Variants in SMYD3 observed in about 807,000 individuals in gnomAD.
The protein encoded by SMYD3 is SET and MYND domain containing 3.
A neutral mutation model predicts 57.7 loss-of-function variants in SMYD3; 36 were observed. The observed-to-expected ratio is 0.62, with a 90% CI of 0.48 to 0.82. The LOEUF (loss-of-function observed/expected upper bound fraction) is 0.82. Ranked by LOEUF, SMYD3 falls within the 40% of genes least tolerant of loss-of-function variation. The probability of loss-of-function intolerance (pLI) is 0.00; values close to 1 mark genes in which losing one functional copy is unlikely to be tolerated. For synonymous variants in SMYD3, 211 were observed against 195.0 expected, an observed-to-expected ratio of 1.08 and a Z score of -0.68; for missense variants, 515 against 538.8, an observed-to-expected ratio of 0.96 and a Z score of 0.44.
chr1:246,364,028 T>C (rs2066055306), intron 1 of SMYD3, among the ~76,000 whole-genome samples: 1 of 152,140 alleles, frequency 6.6e-6, no homozygotes, highest in Non-Finnish European at 1.5e-5. Flanking sequence ...ACCTGGAAGA[T>C]GGTCAGTTGC....
chr1:246,164,704 G>A (rs1406576980), intron 5 of SMYD3, among the ~76,000 whole-genome samples: 1 of 152,232 alleles, frequency 6.6e-6, no homozygotes, highest in Non-Finnish European at 1.5e-5. Flanking sequence ...CAGGCACACA[G>A]TCCTGAACAA....
chr1:246,134,279 C>G (rs1476259613), intron 5 of SMYD3, among the ~76,000 whole-genome samples: 1 of 152,074 alleles, frequency 6.6e-6, no homozygotes. Context: ...CTCCCAAAGT[C>G]TATTCCAACC....
At chr1:246,192,695 TA>T (rs1393441934) in intron 5 of SMYD3, among the ~76,000 whole-genome samples, 1 of 152,160 alleles carries the variant, frequency 6.6e-6, no homozygotes, top group African/African-American at 2.4e-5. Context: ...GGAAAAGAAA[TA>T]AAATTAGTAA....
intron 10 of SMYD3, among the ~76,000 whole-genome samples, chr1:245,784,422 G>A (rs922601252): frequency 6.6e-6 from 1 of 152,128 alleles, no homozygotes; most frequent in African/African-American, 2.4e-5. Context: ...GAAGGATACA[G>A]CAGGGATATC....
intron 10 of SMYD3, among the ~76,000 whole-genome samples, chr1:245,854,447 T>C (rs756847590): frequency 2.0e-5 from 3 of 152,158 alleles, no homozygotes; most frequent in Non-Finnish European, 4.4e-5. Flanking sequence ...GAGATTGATC[T>C]AAAAATTATG....
rs549213289 is a variant in SMYD3, at chr1:246,324,904, C to A, written c.531+2297G>T. On this transcript the variant is annotated intron_variant, in intron 5 of 11. Transcript: ENST00000490107. ...CATCACACACCGTCAACATTCTGGG[C>A]TCAGTGACTCATCCCTGAAAGCTGC... Among the ~76,000 whole-genome samples, 3 of 149,950 alleles carry A rather than the reference C, an allele frequency of 2.0e-5. No individual in the cohort carries two copies. In the South Asian group the frequency reaches 6.5e-4, roughly 33 times the overall value.
At chr1:245,871,238 G>A (rs1409377650) in intron 8 of SMYD3, among the ~76,000 whole-genome samples, 1 of 152,188 alleles carries the variant, frequency 6.6e-6, no homozygotes, top group Non-Finnish European at 1.5e-5. Context: ...GTAATTTGCA[G>A]TGTCTTTGAC....
At chr1:245,913,019 C>A (rs1448473345) in intron 8 of SMYD3, among the ~76,000 whole-genome samples, 1 of 152,150 alleles carries the variant, frequency 6.6e-6, no homozygotes, top group Non-Finnish European at 1.5e-5. Flanking sequence ...TGGGTATATA[C>A]CCAAAGGATT....
intron 8 of SMYD3, among the ~76,000 whole-genome samples, chr1:245,907,514 T>A (rs2054654620): frequency 6.6e-6 from 1 of 152,090 alleles, no homozygotes; most frequent in Non-Finnish European, 1.5e-5. Context: ...TTTGCCATCA[T>A]GAAAACACAC....
At chr1:246,190,584 CAAAAAAAAAAA>C (rs11302731) in intron 5 of SMYD3, among the ~76,000 whole-genome samples, 20 of 63,008 alleles carry the variant, frequency 3.2e-4, no homozygotes, top group Admixed American at 2.4e-3. Flanking sequence ...GACTCTGTCT[CAAAAAAAAAAA>C]AAAAAAAAAA....
At chr1:246,446,758 T>C (rs1047752864) in intron 1 of SMYD3, among the ~76,000 whole-genome samples, 1 of 152,124 alleles carries the variant, frequency 6.6e-6, no homozygotes, top group Non-Finnish European at 1.5e-5. Flanking sequence ...GGCCGGGCGC[T>C]GTGGCTCACG....
At chr1:245,765,756 G>A (rs189325591) in intron 10 of SMYD3, among the ~76,000 whole-genome samples, 1 of 152,160 alleles carries the variant, frequency 6.6e-6, no homozygotes, top group Admixed American at 6.5e-5. Flanking sequence ...GCTTCTCCAG[G>A]GACGGAGGTG....
intron 10 of SMYD3, among the ~76,000 whole-genome samples, chr1:245,806,776 G>C (rs569179337): frequency 6.6e-6 from 1 of 151,386 alleles, no homozygotes; most frequent in African/African-American, 2.4e-5. Context: ...CGGGCGCGGT[G>C]GCGGGCGCCT....
chr1:246,414,608 T>A (rs1171062981), intron 1 of SMYD3, among the ~76,000 whole-genome samples: 2 of 142,478 alleles, frequency 1.4e-5, no homozygotes, highest in African/African-American at 5.0e-5. Flanking sequence ...TATATATTCA[T>A]ATACACATAA....
chr1:245,965,756 T>C lies in SMYD3; in HGVS notation c.532-35819A>G, dbSNP rs775285542. Among the ~76,000 whole-genome samples the C allele has an allele frequency of 5.3e-5, 8 of 152,202 alleles. No homozygotes were observed. In the South Asian group the frequency reaches 1.0e-3, roughly 20 times the overall value. On this transcript the variant is annotated intron_variant, in intron 5 of 11. Transcript: ENST00000490107. ...GAGGGAGAGATGAACAGGTGGAACA[T>C]GAAAGATTTTGGGGGCAGTGAAAAA...
At chr1:245,766,400 TAA>T (rs35500837) in intron 10 of SMYD3, among the ~76,000 whole-genome samples, 28,442 of 101,074 alleles carry the variant, frequency 0.28, 4,580 homozygotes, top group East Asian at 0.49. Context: ...GACTCTGTCT[TAA>T]AAAAAAAAAA....
At chr1:246,328,144 A>G (rs2065387428) in intron 4 of SMYD3, among the ~76,000 whole-genome samples, 1 of 152,166 alleles carries the variant, frequency 6.6e-6, no homozygotes, top group East Asian at 1.9e-4. Flanking sequence ...CAGTGAGCCA[A>G]CATCGCGCCA....
chr1:246,450,148 G>A (rs892841583), intron 1 of SMYD3, among the ~76,000 whole-genome samples: 11 of 152,128 alleles, frequency 7.2e-5, no homozygotes, highest in African/African-American at 2.4e-4. Flanking sequence ...TTAGCCGGGC[G>A]TGGCGGCACA....
At chr1:246,006,645 TAA>T (rs1349968503) in intron 5 of SMYD3, among the ~76,000 whole-genome samples, 4 of 152,142 alleles carry the variant, frequency 2.6e-5, no homozygotes, top group African/African-American at 7.2e-5. Flanking sequence ...AGAGACAATT[TAA>T]AAGACATCAA....
Sources: gnomAD v4.1 joint callset for allele counts (sites outside exome capture counted in the v4.1 genomes callset) on GRCh38, gnomAD v4.1.1 for gene constraint, MANE v1.5 for transcripts, NCBI Gene and HGNC (gene_info 2026-07-23, HGNC 2026-07-21) for gene names.